Variants in CHCHD3 observed in about 807,000 individuals in gnomAD.
CHCHD3 encodes coiled-coil-helix-coiled-coil-helix domain containing 3, also known as MICOS complex subunit MIC19.
A neutral mutation model predicts 38.2 loss-of-function variants in CHCHD3; 20 were observed. The ratio of observed to expected loss-of-function variants is 0.52; its 90% CI spans 0.37 to 0.76. CHCHD3 has a LOEUF of 0.76. Ranked by LOEUF, CHCHD3 falls within the 30% of genes least tolerant of loss-of-function variation. The pLI is 0.00. For missense variants in CHCHD3, 245 were observed against 279.2 expected (o/e 0.88, Z 0.87); for synonymous variants, 82 against 100.0 (o/e 0.82, Z 1.07).
intron 5 of CHCHD3, chr7:132,849,131 C>T (rs188730574): frequency 7.3e-4 from 111 of 152,266 alleles, no homozygotes; most frequent in African/African-American, 2.6e-3. Context: ...AAGTTCAGTA[C>T]TTGGCATAGG....
intron 3 of CHCHD3, among the ~76,000 whole-genome samples, chr7:132,978,061 T>C (rs1393070785): frequency 2.0e-5 from 3 of 152,164 alleles, no homozygotes; most frequent in African/African-American, 7.2e-5. Context: ...GTTATTCTCA[T>C]GGGTAAAATG....
At chr7:132,876,447 A>G (rs1191430962) in intron 5 of CHCHD3, among the ~76,000 whole-genome samples, 2 of 152,228 alleles carry the variant, frequency 1.3e-5, no homozygotes, top group Non-Finnish European at 2.9e-5. Flanking sequence ...ACAATGCTTT[A>G]TTTCTTACCT....
intron 3 of CHCHD3, among the ~76,000 whole-genome samples, chr7:133,004,833 A>G (rs1222906467): frequency 6.6e-6 from 1 of 152,174 alleles, no homozygotes; most frequent in African/African-American, 2.4e-5. Context: ...AAACTGAAAA[A>G]AATGTGTGTT....
intron 5 of CHCHD3, among the ~76,000 whole-genome samples, chr7:132,845,601 T>C (rs901774688): frequency 2.6e-5 from 4 of 152,186 alleles, no homozygotes; most frequent in Admixed American, 6.5e-5. Flanking sequence ...TCCAATTAAC[T>C]ACATTGAACA....
chr7:133,075,717 G>A (rs1438077319), intron 1 of CHCHD3, among the ~76,000 whole-genome samples: 1 of 152,154 alleles, frequency 6.6e-6, no homozygotes, highest in African/African-American at 2.4e-5. Flanking sequence ...GACCCAAAAT[G>A]GGGGTCGATA....
intron 2 of CHCHD3, among the ~76,000 whole-genome samples, chr7:133,044,876 A>G (rs945817580): frequency 1.3e-5 from 2 of 152,252 alleles, no homozygotes; most frequent in African/African-American, 4.8e-5. Flanking sequence ...TGAGGCTGAC[A>G]GCAGGGCTGA....
chr7:132,814,529 G>A, intron 6 of CHCHD3, among the ~76,000 whole-genome samples: 1 of 152,212 alleles, frequency 6.6e-6, no homozygotes, highest in East Asian at 1.9e-4. Context: ...GAAGAAGATG[G>A]ACTAGGAGGA....
intron 2 of CHCHD3, among the ~76,000 whole-genome samples, chr7:133,033,641 T>C (rs567497529): frequency 6.6e-6 from 1 of 152,320 alleles, no homozygotes; most frequent in African/African-American, 2.4e-5. Flanking sequence ...CTAATATTTA[T>C]ATGGATTTTT....
intron 6 of CHCHD3, among the ~76,000 whole-genome samples, chr7:132,809,985 CT>C (rs1449367882): frequency 6.6e-6 from 1 of 152,094 alleles, no homozygotes; most frequent in Non-Finnish European, 1.5e-5. Flanking sequence ...AAATGTTAAC[CT>C]TTTAATCTCC....
chr7:132,882,461 C>CTATATATATATATATATATATATA (rs71178065), intron 5 of CHCHD3, among the ~76,000 whole-genome samples: 1 of 135,006 alleles, frequency 7.4e-6, no homozygotes, highest in African/African-American at 2.7e-5. Flanking sequence ...ACAATATATT[C>CTATATATATATATATATATATATA]TATATATATA....
chr7:132,803,861 G>C (rs1226723217), intron 6 of CHCHD3, among the ~76,000 whole-genome samples: 1 of 144,044 alleles, frequency 6.9e-6, no homozygotes, highest in South Asian at 2.5e-4. Flanking sequence ...AAAAAACAGA[G>C]GGATTGGCTG....
intron 5 of CHCHD3, among the ~76,000 whole-genome samples, chr7:132,844,670 G>A (rs1035498333): frequency 6.6e-6 from 1 of 152,156 alleles, no homozygotes; most frequent in African/African-American, 2.4e-5. Context: ...CTTTGAGAAG[G>A]TAGATCTCAT....
chr7:133,073,863 TAC>T (rs1452908117), intron 1 of CHCHD3, among the ~76,000 whole-genome samples: 1 of 152,236 alleles, frequency 6.6e-6, no homozygotes, highest in African/African-American at 2.4e-5. Context: ...CCTCAAATTC[TAC>T]AGTTTTTTTC....
chr7:133,021,672 T>C (rs1813181319), intron 3 of CHCHD3, among the ~76,000 whole-genome samples: 1 of 152,194 alleles, frequency 6.6e-6, no homozygotes, highest in Non-Finnish European at 1.5e-5. Flanking sequence ...ATTGTACTAC[T>C]TTTCCTCACC....
intron 3 of CHCHD3, among the ~76,000 whole-genome samples, chr7:132,993,424 G>A (rs770326342): frequency 5.9e-5 from 9 of 152,154 alleles, no homozygotes; most frequent in Non-Finnish European, 7.4e-5. Flanking sequence ...AGTAGTAATC[G>A]TTGTCAATGC....
At chr7:132,870,351 CAAAAAA>C (rs58488494) in intron 5 of CHCHD3, among the ~76,000 whole-genome samples, 1 of 99,390 alleles carries the variant, frequency 1.0e-5, no homozygotes. Flanking sequence ...CCTATCTCAC[CAAAAAA>C]AAAAAAAAAA....
At chr7:132,958,553 G>T (rs1811235664) in intron 4 of CHCHD3, among the ~76,000 whole-genome samples, 1 of 152,148 alleles carries the variant, frequency 6.6e-6, no homozygotes, top group Non-Finnish European at 1.5e-5. Flanking sequence ...CATGTCTCAT[G>T]ATATTAAATA....
chr7:132,891,868 A>G (rs1374797346), intron 4 of CHCHD3, among the ~76,000 whole-genome samples: 1 of 152,162 alleles, frequency 6.6e-6, no homozygotes, highest in Non-Finnish European at 1.5e-5. Context: ...CCTCCTTCAC[A>G]TGCTCTTTCA....
intron 3 of CHCHD3, among the ~76,000 whole-genome samples, chr7:133,011,790 T>A (rs189878536): frequency 1.5e-4 from 23 of 152,318 alleles, no homozygotes; most frequent in Non-Finnish European, 2.2e-4. Flanking sequence ...TCGTCAATAA[T>A]AAAAAATCTT....
Sources: gnomAD v4.1 joint callset for allele counts (sites outside exome capture counted in the v4.1 genomes callset) on GRCh38, gnomAD v4.1.1 for gene constraint, MANE v1.5 for transcripts, NCBI Gene and HGNC (gene_info 2026-07-23, HGNC 2026-07-21) for gene names.